TULP4: variants seen among roughly 807,000 people sequenced by gnomAD.
TULP4 encodes the protein tubby-related protein 4.
TULP4 carries 16 observed loss-of-function variants against 129.0 expected under a neutral mutation model. The ratio of observed to expected loss-of-function variants is 0.12; its 90% CI spans 0.08 to 0.19. TULP4 has a LOEUF of 0.19. TULP4 is among the 10% of genes least tolerant of loss of function. The pLI is 1.00. For missense variants in TULP4, 1,842 were observed against 2,059.1 expected (o/e 0.89, Z 2.04); for synonymous variants, 998 against 854.0 (o/e 1.17, Z -2.94).
chr6:158,254,140 C>A (rs1317663522), intron 1 of TULP4, among the ~76,000 whole-genome samples: 1 of 151,894 alleles, frequency 6.6e-6, no homozygotes, highest in Non-Finnish European at 1.5e-5. Flanking sequence ...GGCCTCCAAC[C>A]AAGTCATTAG....
At chr6:158,457,328 C>T (rs1176288937) in intron 5 of TULP4, among the ~76,000 whole-genome samples, 1 of 152,194 alleles carries the variant, frequency 6.6e-6, no homozygotes, top group Non-Finnish European at 1.5e-5. Context: ...AGCTCTTGGT[C>T]CCTGCCCAGG....
At chr6:158,429,463 A>G (rs141547300) in intron 2 of TULP4, among the ~76,000 whole-genome samples, 151 of 152,328 alleles carry the variant, frequency 9.9e-4, no homozygotes, top group East Asian at 3.3e-3. Flanking sequence ...AAATTTTTGT[A>G]GAGGTAGTAT....
intron 1 of TULP4, among the ~76,000 whole-genome samples, chr6:158,241,460 G>A (rs1777908380): frequency 6.6e-6 from 1 of 151,054 alleles, no homozygotes; most frequent in Non-Finnish European, 1.5e-5. Context: ...GCACCATTGA[G>A]CACTGAGTGA....
intron 10 of TULP4, among the ~76,000 whole-genome samples, chr6:158,494,437 G>A (rs1044666360): frequency 2.0e-5 from 3 of 152,152 alleles, no homozygotes; most frequent in Admixed American, 1.3e-4. Flanking sequence ...GATGTTTTCA[G>A]GCGAAATATC....
At chr6:158,367,372 C>T (rs1344156381) in intron 1 of TULP4, among the ~76,000 whole-genome samples, 1 of 152,192 alleles carries the variant, frequency 6.6e-6, no homozygotes, top group African/African-American at 2.4e-5. Flanking sequence ...TCTAAAGTCT[C>T]TTCATAGATG....
intron 5 of TULP4, among the ~76,000 whole-genome samples, chr6:158,457,817 T>C (rs1779327538): frequency 6.6e-6 from 1 of 152,200 alleles, no homozygotes; most frequent in South Asian, 2.1e-4. Flanking sequence ...TTTCAGTCAT[T>C]GATGCCATCT....
intron 1 of TULP4, among the ~76,000 whole-genome samples, chr6:158,347,609 A>G (rs1473333649): frequency 6.6e-6 from 1 of 152,158 alleles, no homozygotes; most frequent in African/African-American, 2.4e-5. Context: ...CTCTGACTTC[A>G]TCTCCTGCCA....
intron 11 of TULP4, 134 bp from the exon 12 acceptor site, chr6:158,498,535 T>C: frequency 9.2e-7 from 1 of 1,089,918 alleles, no homozygotes; most frequent in South Asian, 1.5e-5. Flanking sequence ...TCTCAGCCTC[T>C]GGGCCCTGCC....
intron 1 of TULP4, among the ~76,000 whole-genome samples, chr6:158,331,688 GACACAC>G (rs146753041): frequency 0.016 from 698 of 43,298 alleles, 145 homozygotes; most frequent in African/African-American, 0.044. Context: ...TCGTTCAACA[GACACAC>G]ACACACACAC....
At chr6:158,408,913 T>G (rs1394932291) in intron 1 of TULP4, among the ~76,000 whole-genome samples, 1 of 152,166 alleles carries the variant, frequency 6.6e-6, no homozygotes, top group African/African-American at 2.4e-5. Flanking sequence ...AAGAACAGAG[T>G]GGTGATAATC....
At chr6:158,422,698 G>C (rs1454084011) in intron 2 of TULP4, among the ~76,000 whole-genome samples, 9 of 152,226 alleles carry the variant, frequency 5.9e-5, no homozygotes, top group African/African-American at 2.2e-4. Flanking sequence ...TACCAGCCAG[G>C]TCTATATGCA....
intron 1 of TULP4, among the ~76,000 whole-genome samples, chr6:158,360,453 G>A (rs1037346938): frequency 6.6e-5 from 10 of 152,152 alleles, no homozygotes; most frequent in Non-Finnish European, 2.9e-5. Context: ...TATGCTTTAA[G>A]AATCAGTCTT....
chr6:158,401,890 C>G (rs1322038376), intron 1 of TULP4, among the ~76,000 whole-genome samples: 1 of 151,762 alleles, frequency 6.6e-6, no homozygotes, highest in East Asian at 1.9e-4. Flanking sequence ...GTGTTTCCAT[C>G]TGTATCTCAA....
chr6:158,258,267 C>A (rs1031240049), intron 1 of TULP4, among the ~76,000 whole-genome samples: 1 of 152,210 alleles, frequency 6.6e-6, no homozygotes, highest in African/African-American at 2.4e-5. Context: ...CTTTCTTTCT[C>A]TCTTTTGTCT....
At chr6:158,356,970 G>A (rs1780662847) in intron 1 of TULP4, among the ~76,000 whole-genome samples, 1 of 152,108 alleles carries the variant, frequency 6.6e-6, no homozygotes, top group Non-Finnish European at 1.5e-5. Flanking sequence ...CATGGGGGTA[G>A]GCACTTCCAT....
intron 2 of TULP4, among the ~76,000 whole-genome samples, chr6:158,417,271 C>T (rs749360458): frequency 2.6e-5 from 4 of 152,148 alleles, no homozygotes; most frequent in African/African-American, 7.2e-5. Context: ...CAACACTTCC[C>T]TTGTGTTTCT....
rs1023907101 is a variant in TULP4 at position 158,237,395 on chromosome 6, G to C, written n.68+5092G>C. Reference sequence around the variant, plus strand: ...TGTTGCTGTTTCTTTTTTGTTGCTGGAGCCCCTGCAGGTCTCTGGTGTCTT... The same window carrying C: ...TGTTGCTGTTTCTTTTTTGTTGCTGCAGCCCCTGCAGGTCTCTGGTGTCTT... On this transcript the variant is annotated intron_variant and non_coding_transcript_variant, in intron 1 of 1. Transcript: ENST00000620026. 9 of 1,611,676 alleles carry C rather than the reference G, an allele frequency of 5.6e-6. No individual in the cohort carries two copies. In the African/African-American group the frequency reaches 1.1e-4, roughly 19 times the overall value.
intron 1 of TULP4, among the ~76,000 whole-genome samples, chr6:158,360,776 A>G (rs1408247355): frequency 6.6e-6 from 1 of 152,196 alleles, no homozygotes; most frequent in Admixed American, 6.5e-5. Context: ...AACCCTACCC[A>G]ATAAAGAGGT....
At chr6:158,364,104 A>ATCTC (rs1780864768) in intron 1 of TULP4, among the ~76,000 whole-genome samples, 1 of 152,214 alleles carries the variant, frequency 6.6e-6, no homozygotes, top group Admixed American at 6.5e-5. Context: ...CTTCTCTTGG[A>ATCTC]TCTCTTCCTT....
Sources: gnomAD v4.1 joint callset for allele counts (sites outside exome capture counted in the v4.1 genomes callset) on GRCh38, gnomAD v4.1.1 for gene constraint, MANE v1.5 for transcripts, NCBI Gene and HGNC (gene_info 2026-07-23, HGNC 2026-07-21) for gene names.